The following CAMK1D variants were observed in gnomAD, a reference collection of about 807,000 sequenced individuals.
The protein encoded by CAMK1D is calcium/calmodulin-dependent protein kinase type 1D.
Under a neutral mutation model 47.7 loss-of-function variants are expected in CAMK1D, and 9 were observed. The ratio of observed to expected loss-of-function variants is 0.19; its 90% CI spans 0.11 to 0.33. The LOEUF is 0.33. Ranked by LOEUF, CAMK1D falls within the 10% of genes least tolerant of loss-of-function variation. CAMK1D has a pLI of 1.00. For synonymous variants in CAMK1D, 184 were observed against 184.9 expected (o/e 0.99, Z 0.04); for missense variants, 291 against 488.7 (o/e 0.60, Z 3.81).
At chr10:12,503,801 A>G (rs1298533264) in intron 1 of CAMK1D, among the ~76,000 whole-genome samples, 1 of 152,200 alleles carries the variant, frequency 6.6e-6, no homozygotes, top group Non-Finnish European at 1.5e-5. Context: ...ATGGAAGATC[A>G]GGTTCGAGTA....
intron 2 of CAMK1D, among the ~76,000 whole-genome samples, chr10:12,619,612 TACATTTTAATTTTA>T (rs1838929818): frequency 6.6e-6 from 1 of 152,150 alleles, no homozygotes; most frequent in African/African-American, 2.4e-5. Context: ...TATTAAAAAT[TACATTTTAATTTTA>T]ACATTTTAAT....
intron 1 of CAMK1D, among the ~76,000 whole-genome samples, chr10:12,386,465 C>G (rs1370106103): frequency 1.3e-4 from 19 of 151,240 alleles, no homozygotes; most frequent in East Asian, 1.9e-4. Context: ...AACCAAAAAC[C>G]CTGTCTCAAA....
chr10:12,637,584 G>A (rs1217134903), intron 2 of CAMK1D, among the ~76,000 whole-genome samples: 1 of 148,034 alleles, frequency 6.8e-6, no homozygotes, highest in Non-Finnish European at 1.5e-5. Context: ...AATTCCTGGT[G>A]GTAGTGCTAC....
chr10:12,803,071 C>G (rs183022329), intron 6 of CAMK1D, among the ~76,000 whole-genome samples: 1 of 152,298 alleles, frequency 6.6e-6, no homozygotes, highest in Admixed American at 6.5e-5. Flanking sequence ...GTAGCCTAAT[C>G]TTTCATGCAT....
intron 1 of CAMK1D, among the ~76,000 whole-genome samples, chr10:12,351,138 C>A (rs1292407458): frequency 6.6e-6 from 1 of 152,098 alleles, no homozygotes; most frequent in African/African-American, 2.4e-5. Flanking sequence ...AGGGGGTCCC[C>A]CGGAGAGAAG....
At chr10:12,477,131 C>T (rs67433306) in intron 1 of CAMK1D, among the ~76,000 whole-genome samples, 2 of 151,878 alleles carry the variant, frequency 1.3e-5, no homozygotes, top group East Asian at 3.9e-4. Flanking sequence ...GAAGAGAAGT[C>T]CTGGCTAGGT....
chr10:12,376,837 T>A (rs1395327919), intron 1 of CAMK1D, among the ~76,000 whole-genome samples: 3 of 151,510 alleles, frequency 2.0e-5, no homozygotes, highest in Non-Finnish European at 2.9e-5. Flanking sequence ...CACTGCAATC[T>A]CCACCCTCTG....
intron 1 of CAMK1D, among the ~76,000 whole-genome samples, chr10:12,518,959 A>G (rs2132182403): frequency 7.9e-6 from 1 of 127,296 alleles, no homozygotes; most frequent in Non-Finnish European, 1.7e-5. Flanking sequence ...CTATTCCACA[A>G]AACCGCCATT....
chr10:12,806,926 A>C (rs1675727489), intron 6 of CAMK1D, among the ~76,000 whole-genome samples: 1 of 152,154 alleles, frequency 6.6e-6, no homozygotes, highest in South Asian at 2.1e-4. Context: ...GTCTCTGGTC[A>C]CTCAAAGTCA....
chr10:12,417,016 T>C (rs1194967891), intron 1 of CAMK1D, among the ~76,000 whole-genome samples: 1 of 152,082 alleles, frequency 6.6e-6, no homozygotes, highest in African/African-American at 2.4e-5. Context: ...CATCCCAGTT[T>C]AATGGTGGGA....
intron 9 of CAMK1D, 61 bp from the exon 10 acceptor site, chr10:12,825,512 G>A: frequency 1.3e-6 from 2 of 1,508,376 alleles, no homozygotes; most frequent in Non-Finnish European, 1.8e-6. Flanking sequence ...AGAGAACACA[G>A]TTAGAGTCTT....
chr10:12,374,242 G>A (rs557602461), intron 1 of CAMK1D, among the ~76,000 whole-genome samples: 1 of 117,036 alleles, frequency 8.5e-6, no homozygotes, highest in South Asian at 2.9e-4. Flanking sequence ...CCTTGTGACA[G>A]AGCGAGACTC....
chr10:12,778,367 C>T (rs1004878335), intron 5 of CAMK1D, among the ~76,000 whole-genome samples: 2 of 152,168 alleles, frequency 1.3e-5, no homozygotes, highest in Non-Finnish European at 2.9e-5. Flanking sequence ...TGGCGGCTGC[C>T]TGGATTGTAC....
chr10:12,662,911 A>G (rs1840317542), intron 2 of CAMK1D, among the ~76,000 whole-genome samples: 1 of 152,100 alleles, frequency 6.6e-6, no homozygotes, highest in South Asian at 2.1e-4. Context: ...TATCCAGTTC[A>G]TGTTGGTTAC....
chr10:12,552,145 C>G (rs1836604144), intron 1 of CAMK1D, among the ~76,000 whole-genome samples: 1 of 152,170 alleles, frequency 6.6e-6, no homozygotes, highest in Non-Finnish European at 1.5e-5. Context: ...GGAGGTGGCC[C>G]TGGGGTGCTG....
At chr10:12,563,695 GA>G (rs1265132297) in intron 2 of CAMK1D, among the ~76,000 whole-genome samples, 13 of 63,684 alleles carry the variant, frequency 2.0e-4, no homozygotes, top group Non-Finnish European at 4.8e-4. Flanking sequence ...GAGAGAGAGA[GA>G]GAGGGAGAGA....
At chr10:12,668,673 C>G (rs555814703) in intron 3 of CAMK1D, among the ~76,000 whole-genome samples, 1 of 152,294 alleles carries the variant, frequency 6.6e-6, no homozygotes, top group South Asian at 2.1e-4. Flanking sequence ...TATGCCTCTA[C>G]AGATGGTCTT....
chr10:12,359,061 A>G (rs1837589266), intron 1 of CAMK1D, among the ~76,000 whole-genome samples: 1 of 152,204 alleles, frequency 6.6e-6, no homozygotes, highest in African/African-American at 2.4e-5. Flanking sequence ...TTCCTGGTAC[A>G]GTGAGTAGCT....
At chr10:12,373,944 G>A (rs1324339517) in intron 1 of CAMK1D, among the ~76,000 whole-genome samples, 1 of 115,096 alleles carries the variant, frequency 8.7e-6, no homozygotes, top group Non-Finnish European at 1.7e-5. Flanking sequence ...GCAAGACAGC[G>A]ACACTCTTTA....
Sources: gnomAD v4.1 joint callset for allele counts (sites outside exome capture counted in the v4.1 genomes callset) on GRCh38, gnomAD v4.1.1 for gene constraint, MANE v1.5 for transcripts, NCBI Gene and HGNC (gene_info 2026-07-23, HGNC 2026-07-21) for gene names.